Variants in MMRN1 observed in about 807,000 individuals in gnomAD.
MMRN1 encodes multimerin 1, also known as multimerin-1.
A neutral mutation model predicts 100.7 loss-of-function variants in MMRN1; 94 were observed. The ratio of observed to expected loss-of-function variants is 0.93; its 90% CI spans 0.79 to 1.11. The LOEUF is 1.11. MMRN1 is among the 50% of genes least tolerant of loss of function. The pLI is 0.00. For missense variants in MMRN1, 1,606 were observed against 1,439.1 expected (o/e 1.12, Z -1.88); for synonymous variants, 575 against 505.0 (o/e 1.14, Z -1.86).
At chr4:89,903,736 A>G (rs992635123) in intron 1 of MMRN1, among the ~76,000 whole-genome samples, 33 of 151,948 alleles carry the variant, frequency 2.2e-4, no homozygotes, top group Middle Eastern at 3.4e-3. Context: ...AGACAAAGTC[A>G]TGGCTATAAA....
intron 7 of MMRN1, among the ~76,000 whole-genome samples, chr4:89,952,050 A>G (rs985441711): frequency 1.3e-5 from 2 of 152,166 alleles, no homozygotes; most frequent in Non-Finnish European, 2.9e-5. Context: ...CTAAAAATAT[A>G]TGGATGTATA....
At chr4:89,907,623 T>A (rs1485140612) in intron 1 of MMRN1, among the ~76,000 whole-genome samples, 2 of 151,416 alleles carry the variant, frequency 1.3e-5, no homozygotes, top group African/African-American at 4.8e-5. Context: ...TGTTTTTGAA[T>A]TTTTTTCTCT....
chr4:89,925,672 T>C (rs1307858766), intron 4 of MMRN1, among the ~76,000 whole-genome samples: 1 of 151,328 alleles, frequency 6.6e-6, no homozygotes, highest in Non-Finnish European at 1.5e-5. Context: ...TCTACTCAAA[T>C]AAAAAAAATT....
At chr4:89,939,303 T>C (rs1463211904) in intron 6 of MMRN1, among the ~76,000 whole-genome samples, 1 of 152,160 alleles carries the variant, frequency 6.6e-6, no homozygotes, top group Non-Finnish European at 1.5e-5. Flanking sequence ...AGTCATATTA[T>C]TCAGATTCTA....
intron 4 of MMRN1, among the ~76,000 whole-genome samples, chr4:89,923,888 A>G (rs942805981): frequency 6.6e-6 from 1 of 152,218 alleles, no homozygotes; most frequent in Non-Finnish European, 1.5e-5. Flanking sequence ...ATACAAAACA[A>G]GGCACTCAAT....
intron 1 of MMRN1, among the ~76,000 whole-genome samples, chr4:89,883,489 A>G (rs991659037): frequency 1.9e-4 from 29 of 152,242 alleles, no homozygotes; most frequent in African/African-American, 6.5e-4. Flanking sequence ...TGCTCCGATC[A>G]CTAAAGATGC....
intron 1 of MMRN1, among the ~76,000 whole-genome samples, chr4:89,889,363 G>T (rs1242919795): frequency 6.6e-6 from 1 of 152,050 alleles, no homozygotes; most frequent in African/African-American, 2.4e-5. Flanking sequence ...AGAGGGCGTC[G>T]AGGGCCTTAA....
chr4:89,910,293 C>G (rs1478623062), intron 2 of MMRN1, among the ~76,000 whole-genome samples: 1 of 151,338 alleles, frequency 6.6e-6, no homozygotes, highest in African/African-American at 2.4e-5. Context: ...CTTGCCAATA[C>G]GAGACACAAA....
At chr4:89,916,220 A>G (rs936462529) in intron 3 of MMRN1, among the ~76,000 whole-genome samples, 4 of 151,670 alleles carry the variant, frequency 2.6e-5, no homozygotes, top group Admixed American at 6.6e-5. Context: ...AGGCATTTCA[A>G]GTTTTCAACA....
chr4:89,947,865 T>C (rs962042930), intron 6 of MMRN1, among the ~76,000 whole-genome samples: 28 of 152,142 alleles, frequency 1.8e-4, no homozygotes, highest in African/African-American at 6.3e-4. Context: ...TTTTGTTTTG[T>C]TTTTTGAGAT....
At position 89,895,419 on chromosome 4, in the gene MMRN1, A is replaced by T; in HGVS notation, c.448A>T (p.Asn150Tyr). ...TCTTCAGAGCTTTGCCAGAAAGTCA[A>T]ATGAACAAGCAACTTCTCTAAACAC... is the stretch of plus-strand genomic sequence containing the variant. The part of the protein sequence containing the change: ...KFLQSFARKS[N>Y]EQATSLNTVG... Residue 150 changes from asparagine (N) to tyrosine (Y), a missense_variant, in exon 1 of 8, where the codon AAT becomes TAT. Physicochemically the swap from Asn to Tyr is moderately radical, Grantham distance 143 (BLOSUM62 -2). Transcript: ENST00000264790. 6.2e-7 allele frequency: 1 copy of T among 1,613,888 alleles called. No homozygotes were observed. The highest frequency in any genetic ancestry group is 8.5e-7 in the Non-Finnish European group (1 of 1,179,926).
upstream of MMRN1, among the ~76,000 whole-genome samples, chr4:89,891,458 C>A (rs569606280): frequency 1.3e-5 from 2 of 152,016 alleles, no homozygotes; most frequent in African/African-American, 4.8e-5. Flanking sequence ...TAATGTGTTA[C>A]CCTAGGAAGT....
At chr4:89,905,531 A>C (rs957372410) in intron 1 of MMRN1, among the ~76,000 whole-genome samples, 1 of 151,544 alleles carries the variant, frequency 6.6e-6, no homozygotes, top group African/African-American at 2.4e-5. Context: ...ATACTTTCTC[A>C]AGTCAGAGAC....
Position 89,935,826 on chromosome 4 carries a change from CGT to C in MMRN1, c.2147_2148del (p.Arg716HisfsTer3). The C allele has an allele frequency of 6.2e-7, 1 of 1,613,028 alleles. No individual in the cohort carries two copies. Among genetic ancestry groups the C allele is most frequent in the South Asian group, 1.1e-5 (1 of 90,978 alleles). ...VQGRDDALER[R>X]INEYALEMED... ...GGGTCGTGATGATGCCTTAGAAAGA[CGT>C]ATCAATGAATATGCCTTAGAAATGG... On this transcript the variant is annotated frameshift_variant, in exon 6 of 8. Transcript: ENST00000264790. LOFTEE classifies it high-confidence loss of function.
rs1291381690 is a variant in MMRN1 at position 89,936,505 on chromosome 4, A to ATGC, written c.2827_2829dup (p.Ala943dup). 1.9e-6 allele frequency: 3 copies of ATGC among 1,613,330 alleles called. No homozygotes were observed. In the East Asian group the frequency reaches 6.7e-5, roughly 36 times the overall value. On this transcript the variant is annotated inframe_insertion, in exon 6 of 8. Transcript: ENST00000264790. ...GCTTCTACAAGTGTGTCAGAACTGA[A>ATGC]TGCTACCATCCCTAAGTGGATAAAA...
intron 5 of MMRN1, among the ~76,000 whole-genome samples, chr4:89,929,942 G>A (rs1217387639): frequency 6.6e-6 from 1 of 152,136 alleles, no homozygotes; most frequent in Non-Finnish European, 1.5e-5. Context: ...TCCGTAAGAG[G>A]AGGTGGATAC....
At chr4:89,880,605 G>A (rs572911282) in intron 1 of MMRN1, among the ~76,000 whole-genome samples, 71 of 152,256 alleles carry the variant, frequency 4.7e-4, no homozygotes, top group African/African-American at 1.6e-3. Flanking sequence ...AAGGATAGAT[G>A]AGTCCAGTCC....
At chr4:89,941,705 A>T (rs1455403586) in intron 6 of MMRN1, among the ~76,000 whole-genome samples, 1 of 152,030 alleles carries the variant, frequency 6.6e-6, no homozygotes, top group Non-Finnish European at 1.5e-5. Context: ...CCAACTGCAA[A>T]ATTTTCCAAG....
At chr4:89,938,913 G>A (rs1441780700) in intron 6 of MMRN1, among the ~76,000 whole-genome samples, 2 of 152,018 alleles carry the variant, frequency 1.3e-5, no homozygotes, top group African/African-American at 2.4e-5. Flanking sequence ...GTGCAAGGTA[G>A]ATATTCCTTT....
Sources: gnomAD v4.1 joint callset for allele counts (sites outside exome capture counted in the v4.1 genomes callset) on GRCh38, gnomAD v4.1.1 for gene constraint, MANE v1.5 for transcripts, NCBI Gene and HGNC (gene_info 2026-07-23, HGNC 2026-07-21) for gene names.